Variants in ARAP3 observed in about 807,000 individuals in gnomAD.
The protein encoded by ARAP3 is arf-GAP with Rho-GAP domain, ANK repeat and PH domain-containing protein 3.
ARAP3 carries 82 observed loss-of-function variants against 169.2 expected under a neutral mutation model. That is an observed-to-expected ratio of 0.48 (90% CI 0.41 to 0.58). The LOEUF (loss-of-function observed/expected upper bound fraction) is 0.58. Ranked by LOEUF, ARAP3 falls within the 20% of genes least tolerant of loss-of-function variation. The pLI, the probability that ARAP3 is intolerant of heterozygous loss-of-function variation, is 0.00. For synonymous variants in ARAP3, 791 were observed against 800.3 expected, an observed-to-expected ratio of 0.99 and a Z score of 0.20; for missense variants, 1,764 against 2,018.0, an observed-to-expected ratio of 0.87 and a Z score of 2.41.
At position 141,662,102 on chromosome 5, in the gene ARAP3, C is replaced by A; in HGVS notation, c.2954G>T (p.Arg985Leu). 6.2e-7 allele frequency: 1 copy of A among 1,614,176 alleles called. No individual in the cohort carries two copies. Among genetic ancestry groups the A allele is most frequent in the Non-Finnish European group, 8.5e-7 (1 of 1,180,030 alleles). The change falls in exon 20 of 33, where the codon CGT (arginine) becomes CTT (leucine). Residue 985 changes from arginine (R) to leucine (L), a missense_variant. By Grantham distance (102) the Arg-to-Leu change is moderately radical (BLOSUM62 -2). Around this residue, in one of 3 missense-constraint regions of ARAP3, gnomAD observed 1,112 missense variants for 1,285.7 expected, o/e 0.86. Coordinates refer to ENST00000239440, the MANE Select transcript of ARAP3 (RefSeq NM_022481.6). ...AGAGGTCACAGGGTCATCGAGCTCA[C>A]GAAAGAAGCGTTTGAGTGTGTCAGT... ...DVTDTLKRFF[R>L]ELDDPVTSAR...
In ARAP3 at chr5:141,669,695, C is replaced by T. The variant is rs1175461915; in HGVS notation, c.2352+14G>A. 2.5e-6 allele frequency: 4 copies of T among 1,612,800 alleles called. No homozygotes were observed. Among genetic ancestry groups the T allele is most frequent in the Non-Finnish European group, 1.7e-6 (2 of 1,178,938 alleles). ...AAAGCATGAGATGCTGCAGAGGGCG[C>T]TCTCCTGTCTCACCTTGCCCACAGC... On this transcript the variant is annotated intron_variant, in intron 16 of 32. Transcript: ENST00000239440.
chr5:141,680,832 A>G (rs775659936), intron 1 of ARAP3: 4 of 324,134 alleles, frequency 1.2e-5, no homozygotes, highest in Admixed American at 4.7e-5. Flanking sequence ...CTGACTGCAC[A>G]TCCAACTGAG....
At chr5:141,665,281 A>G in intron 18 of ARAP3, 30 bp downstream of exon 18, 5 of 1,612,180 alleles carry the variant, frequency 3.1e-6, no homozygotes, top group Non-Finnish European at 4.2e-6. Context: ...CAGGAAGGGG[A>G]GCCCCAGGTC....
At position 141,654,260 on chromosome 5, in the gene ARAP3, T is replaced by C. The variant is rs2099908901; in HGVS notation, c.4325A>G (p.Gln1442Arg). Reference sequence around the variant, plus strand: ...GAGAAAGGGTTGATCCAATGACTTCTGGCTGGTGAGGGGGTTCTCTGGCTT... The same window carrying C: ...GAGAAAGGGTTGATCCAATGACTTCCGGCTGGTGAGGGGGTTCTCTGGCTT... ...TVKPENPLTS[Q>R]KSLDQPFLSK... Residue 1442 changes from glutamine (Q) to arginine (R), a missense_variant, in exon 33 of 33, where the codon CAG (glutamine) becomes CGG (arginine). Physicochemically the swap from Gln to Arg is conservative, Grantham distance 43. Coordinates refer to ENST00000239440, the MANE Select transcript of ARAP3 (RefSeq NM_022481.6). The C allele has an allele frequency of 6.2e-7, 1 of 1,614,054 alleles. No individual in the cohort carries two copies. The highest frequency in any genetic ancestry group is 1.7e-5 in the Admixed American group (1 of 60,006).
rs1224011272 is a variant in ARAP3, at chr5:141,654,408, C to T, written c.4177G>A (p.Glu1393Lys). The stretch of plus-strand genomic sequence containing the variant: ...GGCTCCTCCAGCTCCTCTTGCTCCT[C>T]CACAGACCCCTGGGATGACTTCATT... The part of the protein sequence containing the change: ...FPMKSSQGSV[E>K]EQEELEEPVY... Residue 1393 changes from glutamate to lysine, a missense_variant, in exon 33 of 33, where the codon GAG becomes AAG. By Grantham distance (56) the Glu-to-Lys change is moderately conservative. Transcript: ENST00000239440. 1.2e-6 allele frequency: 2 copies of T among 1,604,256 alleles called. No individual in the cohort carries two copies. The highest frequency in any genetic ancestry group is 1.7e-6 in the Non-Finnish European group (2 of 1,174,680).
chr5:141,656,619 G>A lies in ARAP3; in HGVS notation c.3674C>T (p.Pro1225Leu), dbSNP rs751163219. The change falls in exon 27 of 33, where the codon CCA becomes CTA. Residue 1225 changes from proline to leucine, a missense_variant. By Grantham distance (98) the Pro-to-Leu change is moderately conservative (BLOSUM62 -3). Coordinates refer to ENST00000239440, the MANE Select transcript of ARAP3 (RefSeq NM_022481.6). ...CLFTGIRRES[P>L]RVGLLRCREE... Reference sequence around the variant, plus strand: ...ACGACACCGCAACAGCCCCACCCGTGGGCTCTCACGTCGGATACCTGGGCA... The same window carrying A: ...ACGACACCGCAACAGCCCCACCCGTAGGCTCTCACGTCGGATACCTGGGCA... 34 of 1,613,466 alleles carry A rather than the reference G, an allele frequency of 2.1e-5. No homozygotes were observed. Among genetic ancestry groups the A allele is most frequent in the Non-Finnish European group, 2.8e-5 (33 of 1,179,758 alleles).
intron 19 of ARAP3, 52 bp downstream of exon 19, chr5:141,664,870 T>G: frequency 5.8e-6 from 2 of 345,742 alleles, no homozygotes; most frequent in Non-Finnish European, 1.1e-5. Context: ...CACCCCCTCA[T>G]CACCCCCACC....
Position 141,679,774 on chromosome 5 carries a change from G to C in ARAP3, c.573C>G (p.Pro191=). The C allele has an allele frequency of 6.2e-7, 1 of 1,614,018 alleles. No homozygotes were observed. The highest frequency in any genetic ancestry group is 8.5e-7 in the Non-Finnish European group (1 of 1,179,994). ...QISAPTPALR[P]TTGTVHIMDP... is the part of the protein sequence containing the mutation. ...TAACCCAGTTACCTGTGCCTGTTGT[G>C]GGCCTGAGGGCAGGGGTGGGGGCAG... Residue 191 remains proline (P), a synonymous_variant, in exon 3 of 33, where the codon CCC becomes CCG. Transcript: ENST00000239440.
chr5:141,661,795 G>A lies in ARAP3; in HGVS notation c.3014-6C>T, dbSNP rs1283171196. The A allele has an allele frequency of 3.7e-6, 6 of 1,614,142 alleles. No individual in the cohort carries two copies. The highest frequency in any genetic ancestry group is 1.1e-5 in the South Asian group (1 of 91,072). ...CTGATTCTTCTGGGGCAGCTCTGGG[G>A]ATGGAATGGAGGAGGGTTGGGGAGG... On this transcript the variant is annotated splice_polypyrimidine_tract_variant and splice_region_variant and intron_variant, in intron 20 of 32. Transcript: ENST00000239440.
chr5:141,671,136 C>G lies in ARAP3; in HGVS notation c.1990+129G>C. ...CATCAGGAGATAGGCCCTGGAGGAT[C>G]TGAGGGTTTGGGAAACTGCCCAGGC... On this transcript the variant is annotated intron_variant, in intron 13 of 32. Coordinates refer to ENST00000239440, the MANE Select transcript of ARAP3 (RefSeq NM_022481.6). The surrounding 1 kb of genome is among the most constrained non-coding windows in gnomAD (Gnocchi z 4.9). 1 of 1,250,254 alleles carries G rather than the reference C, an allele frequency of 8.0e-7. No individual in the cohort carries two copies. Among genetic ancestry groups the G allele is most frequent in the Non-Finnish European group, 1.1e-6 (1 of 892,926 alleles). 77.4% of individuals were successfully genotyped at this position (1,250,254 alleles called of 1,614,324 possible). A position where few individuals can be genotyped will look rare whatever the true frequency, so the allele number is the denominator to read the frequency against.
chr5:141,680,236 C>A lies in ARAP3; in HGVS notation c.251G>T (p.Ser84Ile). Reference protein sequence around the residue: ...KSDSAMEPSPSPAPQAQPPKP... With the variant: ...KSDSAMEPSPIPAPQAQPPKP... ...AGGGGGCTGGGCTTGCGGGGCTGGG[C>A]TGGGGGATGGTTCCATGGCACTATC... is the stretch of plus-strand genomic sequence containing the variant. Residue 84 changes from serine (S) to isoleucine (I), a missense_variant, in exon 2 of 33, where the codon AGC becomes ATC. By Grantham distance (142) the Ser-to-Ile change is moderately radical. Transcript: ENST00000239440. 3.7e-6 allele frequency: 6 copies of A among 1,613,708 alleles called. No individual in the cohort carries two copies. The highest frequency in any genetic ancestry group is 5.1e-6 in the Non-Finnish European group (6 of 1,179,824).
intron 22 of ARAP3, 145 bp from the exon 23 acceptor site, chr5:141,659,621 G>A (rs1470893958): frequency 1.5e-6 from 2 of 1,315,300 alleles, no homozygotes; most frequent in African/African-American, 1.5e-5. Context: ...GTGAAGTTGT[G>A]GGAGAAGAAG....
intron 16 of ARAP3, 143 bp downstream of exon 16, chr5:141,669,566 C>T: frequency 1.3e-6 from 1 of 759,438 alleles, no homozygotes; most frequent in Non-Finnish European, 2.2e-6. Context: ...CAGTGCTTAA[C>T]ACAGGGCCTG....
intron 4 of ARAP3, among the ~76,000 whole-genome samples, chr5:141,678,316 C>T (rs541268621): frequency 2.0e-5 from 3 of 152,204 alleles, no homozygotes; most frequent in African/African-American, 7.2e-5. Context: ...GGCTCACCTG[C>T]CCCAGCCAAG....
Position 141,665,323 on chromosome 5 carries a change from A to G in ARAP3, c.2624T>C (p.Val875Ala). Reference sequence around the variant, plus strand: ...AGGGGCAATTTACCTTCCTGTCTCCACCAGGACCAAATGCTCTTTCTTATC... The same window carrying G: ...AGGGGCAATTTACCTTCCTGTCTCCGCCAGGACCAAATGCTCTTTCTTATC... ...TPDKKEHLVL[V>A]ETGRTLYLQG... The change falls in exon 18 of 33, where the codon GTG becomes GCG. Residue 875 changes from valine (V) to alanine (A), a missense_variant. Coordinates refer to ENST00000239440, the MANE Select transcript of ARAP3 (RefSeq NM_022481.6). 1 of 1,614,222 alleles carries G rather than the reference A, an allele frequency of 6.2e-7. No homozygotes were observed. Among genetic ancestry groups the G allele is most frequent in the Non-Finnish European group, 8.5e-7 (1 of 1,180,030 alleles).
chr5:141,667,489 A>G (rs2099910818), intron 16 of ARAP3, among the ~76,000 whole-genome samples: 1 of 148,258 alleles, frequency 6.7e-6, no homozygotes, highest in Admixed American at 6.7e-5. Flanking sequence ...GGTGGAGTAC[A>G]GTGGCATGAT....
At chr5:141,666,825 G>A in intron 16 of ARAP3, 182 bp from the exon 17 acceptor site, 1 of 416,556 alleles carries the variant, frequency 2.4e-6, no homozygotes, top group Non-Finnish European at 4.2e-6. Context: ...GGAGACATGA[G>A]ATGGTTGGAG....
At chr5:141,656,994 G>T in intron 25 of ARAP3, 148 bp from the exon 26 acceptor site, 1 of 1,161,810 alleles carries the variant, frequency 8.6e-7, no homozygotes, top group Non-Finnish European at 1.2e-6. Context: ...TGCTGGCCCT[G>T]GGATACGGTG....
At chr5:141,658,328 T>C (rs368578177) in intron 25 of ARAP3, 37 bp downstream of exon 25, 1 of 1,602,768 alleles carries the variant, frequency 6.2e-7, no homozygotes, top group South Asian at 1.1e-5. Context: ...CACACGCATA[T>C]ACACATGCAT....
Sources: allele counts gnomAD v4.1 joint callset (sites outside exome capture counted in the v4.1 genomes callset), GRCh38; gene constraint gnomAD v4.1.1; regional missense constraint gnomAD v4.1.1; non-coding constraint Gnocchi (gnomAD v3.1); transcripts MANE v1.5; gene names NCBI Gene and HGNC (gene_info 2026-07-23, HGNC 2026-07-21).